The following SCMH1 variants were observed in gnomAD, a reference collection of about 807,000 sequenced individuals.
The protein encoded by SCMH1 is Scm polycomb group protein homolog 1, also known as polycomb protein SCMH1.
A neutral mutation model predicts 70.8 loss-of-function variants in SCMH1; 37 were observed. The observed-to-expected ratio is 0.52, with a 90% CI of 0.40 to 0.69. SCMH1 has a LOEUF of 0.69. SCMH1 is among the 30% of genes least tolerant of loss of function. The pLI is 0.00. For missense variants in SCMH1, 607 were observed against 827.3 expected (o/e 0.73, Z 3.27); for synonymous variants, 292 against 307.4 (o/e 0.95, Z 0.52).
chr1:41,166,453 T>C (rs1646413737), intron 2 of SCMH1, among the ~76,000 whole-genome samples: 1 of 152,132 alleles, frequency 6.6e-6, no homozygotes, highest in African/African-American at 2.4e-5. Flanking sequence ...ATTTTCACAA[T>C]ATTAATTCTT....
chr1:41,175,674 G>T (rs961107600), intron 2 of SCMH1, among the ~76,000 whole-genome samples: 1 of 152,058 alleles, frequency 6.6e-6, no homozygotes. Context: ...AAGCCATATG[G>T]GATTGGACTC....
chr1:41,116,896 C>T (rs765019776), intron 7 of SCMH1, 26 bp downstream of exon 7: 1 of 1,573,450 alleles, frequency 6.4e-7, no homozygotes, highest in South Asian at 1.2e-5. Context: ...CAGCCTGGAG[C>T]TGGTGATATC....
At chr1:41,062,156 G>A (rs765521575) in intron 10 of SCMH1, among the ~76,000 whole-genome samples, 44 of 151,812 alleles carry the variant, frequency 2.9e-4, no homozygotes, top group Non-Finnish European at 3.5e-4. Context: ...GTGAGCCACC[G>A]CACCCAGCCT....
chr1:41,029,447 G>A (rs1229325544), intron 13 of SCMH1, among the ~76,000 whole-genome samples: 2 of 152,210 alleles, frequency 1.3e-5, no homozygotes, highest in South Asian at 2.1e-4. Context: ...TGATCTGCCT[G>A]CCGTGGCCTC....
chr1:41,119,554 A>G (rs1671411083), intron 6 of SCMH1, among the ~76,000 whole-genome samples: 3 of 152,172 alleles, frequency 2.0e-5, no homozygotes, highest in Non-Finnish European at 4.4e-5. Context: ...AATGCTGTTT[A>G]AGAGCATCAA....
intron 12 of SCMH1, among the ~76,000 whole-genome samples, chr1:41,039,348 A>C (rs1283445381): frequency 6.6e-6 from 1 of 152,232 alleles, no homozygotes; most frequent in African/African-American, 2.4e-5. Context: ...ATGGCAAGTC[A>C]TGAAATCTTA....
intron 6 of SCMH1, among the ~76,000 whole-genome samples, chr1:41,125,401 G>A (rs1215427079): frequency 6.6e-6 from 1 of 151,628 alleles, no homozygotes; most frequent in Non-Finnish European, 1.5e-5. Context: ...TTTTTTTGTA[G>A]GGACAGAGTT....
intron 8 of SCMH1, among the ~76,000 whole-genome samples, chr1:41,083,773 C>G (rs944104360): frequency 2.0e-5 from 3 of 152,136 alleles, no homozygotes; most frequent in Admixed American, 2.0e-4. Flanking sequence ...GGTACCAAAA[C>G]AGAGATATAG....
chr1:41,094,518 C>A (rs2149050327), intron 8 of SCMH1, among the ~76,000 whole-genome samples: 1 of 152,166 alleles, frequency 6.6e-6, no homozygotes, highest in South Asian at 2.1e-4. Context: ...TGCTTTGGTG[C>A]ACTTAAACTT....
intron 2 of SCMH1, 187 bp from the exon 3 acceptor site, chr1:41,161,619 CA>C: frequency 1.9e-5 from 10 of 533,108 alleles, no homozygotes; most frequent in South Asian, 5.0e-5. Context: ...TTTACAATAA[CA>C]AAAAAAGGAA....
chr1:41,186,841 C>T (rs1244145219), intron 1 of SCMH1, among the ~76,000 whole-genome samples: 1 of 152,130 alleles, frequency 6.6e-6, no homozygotes, highest in East Asian at 1.9e-4. Context: ...CATCTCTAGC[C>T]TCTGCCGCTA....
exon 3 of SCMH1, chr1:41,161,432 A>G (rs1646020821): frequency 6.5e-7 from 1 of 1,548,600 alleles, no homozygotes; most frequent in Non-Finnish European, 8.7e-7. Context: ...CCAGTCTATC[A>G]CTGCAGAGGG....
chr1:41,216,780 C>A (rs1237946512), intron 1 of SCMH1, among the ~76,000 whole-genome samples: 4 of 152,146 alleles, frequency 2.6e-5, no homozygotes, highest in Admixed American at 2.0e-4. Context: ...GACTATAGTA[C>A]CTCCAGGAAA....
At chr1:41,140,404 T>G (rs774482100) in intron 6 of SCMH1, among the ~76,000 whole-genome samples, 1 of 152,106 alleles carries the variant, frequency 6.6e-6, no homozygotes, top group Admixed American at 6.6e-5. Flanking sequence ...CTGATTCTCC[T>G]GCCTCAGCCT....
intron 5 of SCMH1, among the ~76,000 whole-genome samples, chr1:41,143,853 CTTTT>C (rs1557639073): frequency 6.6e-6 from 1 of 152,158 alleles, no homozygotes; most frequent in South Asian, 2.1e-4. Context: ...GATGTACTTT[CTTTT>C]TTGTCTAGCT....
At chr1:41,148,947 T>C (rs375103475) in intron 5 of SCMH1, among the ~76,000 whole-genome samples, 11 of 152,190 alleles carry the variant, frequency 7.2e-5, no homozygotes, top group African/African-American at 2.6e-4. Context: ...CCCTTCACCA[T>C]GCCCGGCTAA....
At chr1:41,144,678 T>C (rs1453420618) in intron 5 of SCMH1, among the ~76,000 whole-genome samples, 1 of 152,204 alleles carries the variant, frequency 6.6e-6, no homozygotes, top group Non-Finnish European at 1.5e-5. Context: ...ACCTCTGAAC[T>C]GTCTTCTCAA....
At chr1:41,145,059 G>A (rs188807689) in intron 5 of SCMH1, among the ~76,000 whole-genome samples, 1 of 151,990 alleles carries the variant, frequency 6.6e-6, no homozygotes, top group East Asian at 1.9e-4. Flanking sequence ...CTTTCCTGAT[G>A]GTGTGGAAAC....
chr1:41,063,488 A>T (rs996878960), intron 10 of SCMH1, among the ~76,000 whole-genome samples: 2 of 145,448 alleles, frequency 1.4e-5, no homozygotes, highest in African/African-American at 2.4e-5. Flanking sequence ...TAATAATAAT[A>T]AAAAAAACAA....
Sources: allele counts gnomAD v4.1 joint callset (sites outside exome capture counted in the v4.1 genomes callset), GRCh38; gene constraint gnomAD v4.1.1; transcripts MANE v1.5; gene names NCBI Gene and HGNC (gene_info 2026-07-23, HGNC 2026-07-21).